The following SETBP1 variants were observed in gnomAD, a reference collection of about 807,000 sequenced individuals.
SETBP1 encodes the protein SET binding protein 1.
Under a neutral mutation model 101.0 loss-of-function variants are expected in SETBP1, and 9 were observed. The ratio of observed to expected loss-of-function variants is 0.09; its 90% CI spans 0.05 to 0.16. The LOEUF (loss-of-function observed/expected upper bound fraction) is 0.16. SETBP1 is among the 10% of genes least tolerant of loss of function. The pLI, the probability that SETBP1 is intolerant of heterozygous loss-of-function variation, is 1.00. For missense variants in SETBP1, 1,858 were observed against 2,033.8 expected (o/e 0.91, Z 1.66); for synonymous variants, 818 against 788.5 (o/e 1.04, Z -0.63).
chr18:45,038,586 G>T lies in SETBP1; in HGVS notation c.4102G>T (p.Asp1368Tyr). The T allele has an allele frequency of 6.2e-7, 1 of 1,614,164 alleles. No homozygotes were observed. The highest frequency in any genetic ancestry group is 1.1e-5 in the South Asian group (1 of 91,084). ...GACCAGGAAGAAGCCAGCCGCAGTT[G>T]ACAGTGTTACAATTCCACCAGCCCC... is the stretch of plus-strand genomic sequence containing the variant. ...MMTRKKPAAV[D>Y]SVTIPPAPVL... is the part of the protein sequence containing the mutation. Residue 1368 changes from aspartate to tyrosine, a missense_variant, in exon 5 of 6, where the codon GAC (aspartate) becomes TAC (tyrosine). Asp to Tyr is a radical substitution (Grantham distance 160). Coordinates refer to ENST00000649279, the MANE Select transcript of SETBP1 (RefSeq NM_015559.3).
chr18:44,899,155 T>C (rs761630891), intron 3 of SETBP1, among the ~76,000 whole-genome samples: 1 of 152,242 alleles, frequency 6.6e-6, no homozygotes, highest in Non-Finnish European at 1.5e-5. Flanking sequence ...TCAATGTCTT[T>C]CTATGCTTTT....
intron 2 of SETBP1, among the ~76,000 whole-genome samples, chr18:44,817,017 G>A (rs1233765442): frequency 6.6e-6 from 1 of 152,172 alleles, no homozygotes; most frequent in Non-Finnish European, 1.5e-5. Context: ...AATCCAGACA[G>A]CACTGAGGGA....
At chr18:44,737,855 G>C (rs537100867) in intron 2 of SETBP1, among the ~76,000 whole-genome samples, 1 of 152,304 alleles carries the variant, frequency 6.6e-6, no homozygotes, top group East Asian at 1.9e-4. Flanking sequence ...ATCAGCATGG[G>C]CCAAACTGAC....
intron 2 of SETBP1, among the ~76,000 whole-genome samples, chr18:44,746,188 A>G (rs551772362): frequency 6.6e-6 from 1 of 152,324 alleles, no homozygotes; most frequent in South Asian, 2.1e-4. Context: ...GAGATGACAG[A>G]GGTGGAAAGG....
intron 5 of SETBP1, among the ~76,000 whole-genome samples, chr18:45,053,434 T>A (rs560198623): frequency 1.1e-4 from 17 of 152,328 alleles, no homozygotes; most frequent in Non-Finnish European, 2.2e-4. Context: ...TAGAATTATG[T>A]TTATTGAGAA....
intron 4 of SETBP1, among the ~76,000 whole-genome samples, chr18:45,002,772 T>C (rs988912617): frequency 7.4e-4 from 112 of 152,216 alleles, no homozygotes; most frequent in African/African-American, 2.6e-3. Context: ...TTGTTTTCTT[T>C]ATATAGAAAG....
At position 45,038,504 on chromosome 18, in the gene SETBP1, A is replaced by T; in HGVS notation, c.4020A>T (p.Leu1340Phe). 1 of 1,614,128 alleles carries T rather than the reference A, an allele frequency of 6.2e-7. No individual in the cohort carries two copies. Among genetic ancestry groups the T allele is most frequent in the South Asian group, 1.1e-5 (1 of 91,086 alleles). ...SMSPGMPSPH[L>F]KVDQTAVHSK... is the part of the protein sequence containing the mutation. The stretch of plus-strand genomic sequence containing the variant: ...TTTTAGGGATGCCAAGTCCCCACTT[A>T]AAAGTGGACCAGACAGCAGTGCATA... The change falls in exon 5 of 6, where the codon TTA becomes TTT. Residue 1340 changes from leucine to phenylalanine, a missense_variant. By Grantham distance (22) the Leu-to-Phe change is conservative. Coordinates refer to ENST00000649279, the MANE Select transcript of SETBP1 (RefSeq NM_015559.3).
chr18:44,834,758 C>T (rs554347003), intron 2 of SETBP1, among the ~76,000 whole-genome samples: 1 of 152,170 alleles, frequency 6.6e-6, no homozygotes, highest in Non-Finnish European at 1.5e-5. Flanking sequence ...TAGAAAGTGA[C>T]CAACAGGGGC....
At position 45,041,882 on chromosome 18, in the gene SETBP1, G is replaced by C. The variant is rs893508638; in HGVS notation, c.4171+3227G>C. Among the ~76,000 whole-genome samples, 5 of 151,962 alleles carry C rather than the reference G, an allele frequency of 3.3e-5. No individual in the cohort carries two copies. The East Asian group carries it at 7.9e-4, about 24-fold the overall frequency. Reference sequence around the variant, plus strand: ...TTAGGCAGGAGAATTGCTTGAACCCGGGAGGCGGAGGATGCAGTGAGCCGA... The same window carrying C: ...TTAGGCAGGAGAATTGCTTGAACCCCGGAGGCGGAGGATGCAGTGAGCCGA... On this transcript the variant is annotated intron_variant, in intron 5 of 5. Coordinates refer to ENST00000649279, the MANE Select transcript of SETBP1 (RefSeq NM_015559.3).
intron 5 of SETBP1, among the ~76,000 whole-genome samples, chr18:45,047,262 A>G (rs2073630933): frequency 6.6e-6 from 1 of 152,206 alleles, no homozygotes; most frequent in Admixed American, 6.5e-5. Context: ...AAAACCTCCC[A>G]TACGTGAAGC....
Position 45,059,039 on chromosome 18 carries a change from G to A in SETBP1, c.4172-4040G>A, listed in dbSNP as rs368938227. Among the ~76,000 whole-genome samples the A allele has an allele frequency of 1.9e-3, 291 of 152,268 alleles. 2 individuals are homozygous for A. Among genetic ancestry groups the A allele is most frequent in the African/African-American group, 6.6e-3 (276 of 41,560 alleles). On this transcript the variant is annotated intron_variant, in intron 5 of 5. Transcript: ENST00000649279. ...AGCACTGTCCAGCCCTAAGATTTTA[G>A]GATGTTTTATTGCCACTTATTTATA...
intron 5 of SETBP1, among the ~76,000 whole-genome samples, chr18:45,060,958 T>C (rs920761487): frequency 2.0e-5 from 3 of 152,234 alleles, no homozygotes; most frequent in Non-Finnish European, 4.4e-5. Flanking sequence ...ATATTACATG[T>C]CAGCAAGGTG....
chr18:45,060,998 A>G (rs2073882684), intron 5 of SETBP1, among the ~76,000 whole-genome samples: 2 of 152,232 alleles, frequency 1.3e-5, no homozygotes, highest in Non-Finnish European at 2.9e-5. Flanking sequence ...GCTATTTTAT[A>G]TAATATATCA....
chr18:44,691,360 C>T (rs886555829), intron 1 of SETBP1, among the ~76,000 whole-genome samples: 4 of 151,808 alleles, frequency 2.6e-5, no homozygotes, highest in African/African-American at 7.3e-5. Flanking sequence ...AACCACCCCC[C>T]GCCCCCCAAC....
intron 2 of SETBP1, among the ~76,000 whole-genome samples, chr18:44,817,995 C>T (rs1308447185): frequency 6.6e-6 from 1 of 152,200 alleles, no homozygotes; most frequent in Non-Finnish European, 1.5e-5. Flanking sequence ...AATTGACTTA[C>T]GGCTTGAACA....
In SETBP1 at chr18:44,775,928, A is replaced by G. The variant is rs139837803; in HGVS notation, c.486+74096A>G. Among the ~76,000 whole-genome samples the G allele has an allele frequency of 2.4e-3, 367 of 152,336 alleles. 1 individual carries two copies. Among genetic ancestry groups the G allele is most frequent in the African/African-American group, 8.3e-3 (345 of 41,572 alleles). ...ACTTTGATCTCTACATAAACTGTCC[A>G]AATGGGATCATGTTTTCTTTTCTGA... On this transcript the variant is annotated intron_variant, in intron 2 of 5. Transcript: ENST00000649279.
At chr18:44,804,671 G>A (rs971448206) in intron 2 of SETBP1, among the ~76,000 whole-genome samples, 2 of 152,036 alleles carry the variant, frequency 1.3e-5, no homozygotes, top group Non-Finnish European at 2.9e-5. Context: ...TATGAGGAAG[G>A]CAAAAGCCCA....
chr18:44,768,601 G>C (rs2070809859), intron 2 of SETBP1, among the ~76,000 whole-genome samples: 1 of 152,088 alleles, frequency 6.6e-6, no homozygotes, highest in South Asian at 2.1e-4. Flanking sequence ...AAGATTTTTG[G>C]TGATTACCGG....
intron 5 of SETBP1, among the ~76,000 whole-genome samples, chr18:45,058,080 G>A (rs1323637063): frequency 6.6e-6 from 1 of 152,216 alleles, no homozygotes; most frequent in East Asian, 1.9e-4. Flanking sequence ...AATATAGATA[G>A]GGTCTGAAAG....
Sources: gnomAD v4.1 joint callset for allele counts (sites outside exome capture counted in the v4.1 genomes callset) on GRCh38, gnomAD v4.1.1 for gene constraint, MANE v1.5 for transcripts, NCBI Gene and HGNC (gene_info 2026-07-23, HGNC 2026-07-21) for gene names.